The following RUFY2 variants were observed in gnomAD, a reference collection of about 807,000 sequenced individuals.
RUFY2 encodes RUN and FYVE domain containing 2.
RUFY2 carries 49 observed loss-of-function variants against 94.4 expected under a neutral mutation model. The ratio of observed to expected loss-of-function variants is 0.52; its 90% CI spans 0.41 to 0.66. The LOEUF (loss-of-function observed/expected upper bound fraction) is 0.66, where lower values mean the gene tolerates loss of function less well. Among genes scored for constraint, RUFY2 ranks in the 30% least tolerant of loss-of-function variants. The pLI is 0.00. For synonymous variants in RUFY2, 255 were observed against 235.7 expected (o/e 1.08, Z -0.75); for missense variants, 541 against 692.8 (o/e 0.78, Z 2.46).
At chr10:68,400,556 A>G (rs567700654) in intron 3 of RUFY2, among the ~76,000 whole-genome samples, 9 of 151,570 alleles carry the variant, frequency 5.9e-5, no homozygotes, top group East Asian at 5.9e-4. Context: ...TGCACCTGTA[A>G]TCCCAGCTAC....
intron 2 of RUFY2, 100 bp from the exon 3 acceptor site, chr10:68,401,837 T>C: frequency 1.4e-6 from 1 of 728,910 alleles, no homozygotes; most frequent in Non-Finnish European, 2.4e-6. Flanking sequence ...TAACATACAA[T>C]TATTCAGAGA....
At position 68,384,091 on chromosome 10, in the gene RUFY2, T is replaced by C. The variant is rs749581726; in HGVS notation, c.782A>G (p.Glu261Gly). Residue 261 changes from glutamate to glycine, a missense_variant, in exon 9 of 18, where the codon GAA (glutamate) becomes GGA (glycine). Glu to Gly is a moderately conservative substitution (Grantham distance 98). Transcript: ENST00000602465. ...TGTTTTCATTAAAATCAATTTATTT[T>C]CACTTCGTAATTGATGATTTTCTTC... ...LQEENHQLRS[E>G]NKLILMKTQQ... 1.9e-5 allele frequency: 31 copies of C among 1,612,968 alleles called. No homozygotes were observed. The highest frequency in any genetic ancestry group is 2.5e-5 in the Non-Finnish European group (30 of 1,179,860).
chr10:68,394,211 T>C (rs992658091), intron 5 of RUFY2, 75 bp from the exon 6 acceptor site: 45 of 1,535,834 alleles, frequency 2.9e-5, no homozygotes, highest in Middle Eastern at 1.7e-4. Flanking sequence ...TGAATGTTAC[T>C]CTTAATATTC....
At chr10:68,366,417 A>G (rs2047823012) in intron 13 of RUFY2, among the ~76,000 whole-genome samples, 1 of 151,590 alleles carries the variant, frequency 6.6e-6, no homozygotes. Context: ...AAATCACTAT[A>G]ATCTAAATTT....
At chr10:68,352,236 C>T (rs1339247135) in intron 16 of RUFY2, among the ~76,000 whole-genome samples, 1 of 152,244 alleles carries the variant, frequency 6.6e-6, no homozygotes, top group Middle Eastern at 3.4e-3. Context: ...ACTGGGGTTA[C>T]AGGTATGAGC....
intron 13 of RUFY2, among the ~76,000 whole-genome samples, chr10:68,367,854 C>A (rs913548295): frequency 5.9e-5 from 9 of 151,876 alleles, no homozygotes; most frequent in Non-Finnish European, 1.3e-4. Flanking sequence ...CTCACCTTAG[C>A]CTCCTAAAGT....
At chr10:68,359,505 T>A (rs1564791091) in intron 15 of RUFY2, among the ~76,000 whole-genome samples, 1 of 146,682 alleles carries the variant, frequency 6.8e-6, no homozygotes, top group African/African-American at 2.5e-5. Flanking sequence ...CTACTATATA[T>A]ATAAATATAC....
intron 16 of RUFY2, among the ~76,000 whole-genome samples, chr10:68,353,152 G>A (rs1183340145): frequency 2.6e-5 from 4 of 151,864 alleles, no homozygotes; most frequent in Non-Finnish European, 5.9e-5. Flanking sequence ...GGCCAACATG[G>A]CGAAACCATC....
At chr10:68,373,141 A>G (rs971776623) in intron 13 of RUFY2, among the ~76,000 whole-genome samples, 1 of 152,224 alleles carries the variant, frequency 6.6e-6, no homozygotes, top group Admixed American at 6.5e-5. Flanking sequence ...AAATAGAGGT[A>G]AGGTTTTCAC....
At chr10:68,379,359 G>T in intron 12 of RUFY2, 65 bp downstream of exon 12, 1 of 1,140,230 alleles carries the variant, frequency 8.8e-7, no homozygotes, top group Non-Finnish European at 1.2e-6. Flanking sequence ...GGCAGGTGTA[G>T]GAACTGAATA....
intron 6 of RUFY2, chr10:68,393,754 T>C (rs2050174309): frequency 2.3e-5 from 7 of 308,060 alleles, no homozygotes; most frequent in South Asian, 3.4e-5. Context: ...TAGTTCGATC[T>C]TGAAGTAAAC....
At chr10:68,368,964 C>T (rs77630476) in intron 13 of RUFY2, among the ~76,000 whole-genome samples, 2,999 of 152,154 alleles carry the variant, frequency 0.02, 107 homozygotes, top group African/African-American at 0.069. Context: ...CCCATGCCCC[C>T]GCAACAAACC....
At chr10:68,349,715 T>G (rs1200130577) in intron 16 of RUFY2, among the ~76,000 whole-genome samples, 1 of 151,868 alleles carries the variant, frequency 6.6e-6, no homozygotes, top group Admixed American at 6.6e-5. Flanking sequence ...ATTTTTTGTA[T>G]TTTTAGTAGA....
chr10:68,382,693 A>G (rs1234925671), intron 10 of RUFY2, among the ~76,000 whole-genome samples: 1 of 149,544 alleles, frequency 6.7e-6, no homozygotes, highest in Non-Finnish European at 1.5e-5. Context: ...TAGCCTGGGC[A>G]ACAGAGCGAG....
chr10:68,404,976 AC>A, intron 1 of RUFY2, 132 bp from the exon 2 acceptor site: 1 of 703,306 alleles, frequency 1.4e-6, no homozygotes, highest in Non-Finnish European at 2.2e-6. Context: ...CCCCAGCTAA[AC>A]CACACCCTTG....
chr10:68,353,489 T>C (rs1188286833), intron 16 of RUFY2, among the ~76,000 whole-genome samples: 1 of 150,316 alleles, frequency 6.7e-6, no homozygotes, highest in Non-Finnish European at 1.5e-5. Context: ...GAAGCAAGAC[T>C]CCGTCTCAAA....
chr10:68,366,117 A>G (rs1297597496), intron 13 of RUFY2, among the ~76,000 whole-genome samples: 1 of 152,116 alleles, frequency 6.6e-6, no homozygotes, highest in Non-Finnish European at 1.5e-5. Context: ...TCTTGAGGCC[A>G]AGAGTTCAAG....
At chr10:68,401,441 T>G (rs2050841507) in intron 3 of RUFY2, among the ~76,000 whole-genome samples, 179 bp downstream of exon 3, 1 of 152,190 alleles carries the variant, frequency 6.6e-6, no homozygotes, top group Admixed American at 6.6e-5. Context: ...AAGAAAAACT[T>G]CATAAAGGAA....
At chr10:68,403,735 C>T (rs755541319) in intron 2 of RUFY2, among the ~76,000 whole-genome samples, 1 of 151,706 alleles carries the variant, frequency 6.6e-6, no homozygotes, top group Non-Finnish European at 1.5e-5. Flanking sequence ...GATGTCAAGG[C>T]TTCCTTCTTG....
Sources: allele counts gnomAD v4.1 joint callset (sites outside exome capture counted in the v4.1 genomes callset), GRCh38; gene constraint gnomAD v4.1.1; transcripts MANE v1.5; gene names NCBI Gene and HGNC (gene_info 2026-07-23, HGNC 2026-07-21).